Variants in UMAD1 observed in about 807,000 individuals in gnomAD.
The protein encoded by UMAD1 is UBAP1-MVB12-associated (UMA)-domain containing protein 1.
Under a neutral mutation model 6.1 loss-of-function variants are expected in UMAD1, and 8 were observed. The ratio of observed to expected loss-of-function variants is 1.30; its 90% CI spans 0.76 to 2.35. UMAD1 has a LOEUF of 2.35. Among genes scored for constraint, UMAD1 ranks in the 30% most tolerant of loss-of-function variants. The pLI is 0.00. For synonymous variants in UMAD1, 56 were observed against 31.4 expected, an observed-to-expected ratio of 1.78 and a Z score of -2.61; for missense variants, 130 against 78.4, an observed-to-expected ratio of 1.66 and a Z score of -2.49.
intron 3 of UMAD1, among the ~76,000 whole-genome samples, chr7:7,862,324 A>G (rs931001750): frequency 1.3e-5 from 2 of 152,206 alleles, no homozygotes; most frequent in Non-Finnish European, 2.9e-5. Context: ...TGTTTCACTG[A>G]AATGAGTATT....
At chr7:7,827,141 ATATATATG>A (rs1263566481) in intron 3 of UMAD1, among the ~76,000 whole-genome samples, 4 of 134,960 alleles carry the variant, frequency 3.0e-5, no homozygotes, top group African/African-American at 5.8e-5. Context: ...ATATATATAT[ATATATATG>A]TGTGTGTGTG....
At chr7:7,775,927 G>A (rs1278520865) in intron 2 of UMAD1, among the ~76,000 whole-genome samples, 1 of 152,074 alleles carries the variant, frequency 6.6e-6, no homozygotes, top group African/African-American at 2.4e-5. Context: ...TTGGAAAAAT[G>A]GATTACAAAG....
At chr7:7,829,489 G>A (rs1783418506) in intron 3 of UMAD1, among the ~76,000 whole-genome samples, 1 of 151,632 alleles carries the variant, frequency 6.6e-6, no homozygotes, top group Non-Finnish European at 1.5e-5. Context: ...TGGATAAAAA[G>A]TTAAAGCCCA....
intron 2 of UMAD1, among the ~76,000 whole-genome samples, chr7:7,673,724 ACTGTGG>A (rs1779671832): frequency 6.7e-6 from 1 of 149,938 alleles, no homozygotes; most frequent in Non-Finnish European, 1.5e-5. Context: ...TTTTTTTTTA[ACTGTGG>A]AAAATCTAAA....
At chr7:7,870,961 A>G (rs1784321160) in intron 3 of UMAD1, among the ~76,000 whole-genome samples, 1 of 152,184 alleles carries the variant, frequency 6.6e-6, no homozygotes, top group Non-Finnish European at 1.5e-5. Flanking sequence ...ATTATGAAAA[A>G]TTTTCAAGCT....
At chr7:7,702,737 C>T (rs971870267) in intron 2 of UMAD1, among the ~76,000 whole-genome samples, 53 of 152,066 alleles carry the variant, frequency 3.5e-4, no homozygotes, top group Admixed American at 2.9e-3. Flanking sequence ...AAATGTGCTC[C>T]GGTGAGTAAA....
At chr7:7,787,048 A>G (rs924644677) in intron 2 of UMAD1, among the ~76,000 whole-genome samples, 2 of 152,226 alleles carry the variant, frequency 1.3e-5, no homozygotes, top group African/African-American at 4.8e-5. Context: ...GCAATAAGGC[A>G]CGTGTCCAGT....
At chr7:7,847,352 T>C (rs1306818131) in intron 3 of UMAD1, among the ~76,000 whole-genome samples, 1 of 151,412 alleles carries the variant, frequency 6.6e-6, no homozygotes, top group Non-Finnish European at 1.5e-5. Context: ...ATATTCTCAC[T>C]GGATCTCTGT....
intron 1 of UMAD1, among the ~76,000 whole-genome samples, chr7:7,663,182 TAA>T (rs35538283): frequency 6.9e-6 from 1 of 144,334 alleles, no homozygotes. Flanking sequence ...TTCATTCCAT[TAA>T]AAAAAAAAAG....
chr7:7,839,348 C>T (rs1189511156), intron 3 of UMAD1, among the ~76,000 whole-genome samples: 3 of 152,016 alleles, frequency 2.0e-5, no homozygotes, highest in Non-Finnish European at 4.4e-5. Context: ...CAAGCTGGGA[C>T]CACAGACACA....
chr7:7,875,499 A>G (rs964559269), intron 3 of UMAD1, among the ~76,000 whole-genome samples: 5 of 152,248 alleles, frequency 3.3e-5, no homozygotes, highest in Non-Finnish European at 5.9e-5. Context: ...AAAAAATGAT[A>G]AAGAGGATAT....
At chr7:7,755,342 A>C (rs1781757940) in intron 2 of UMAD1, among the ~76,000 whole-genome samples, 1 of 152,222 alleles carries the variant, frequency 6.6e-6, no homozygotes, top group East Asian at 1.9e-4. Context: ...AAACCTTGTT[A>C]ACTGTAGTAA....
chr7:7,646,534 G>A (rs115335200), intron 1 of UMAD1, among the ~76,000 whole-genome samples: 5,166 of 135,234 alleles, frequency 0.038, 334 homozygotes, highest in African/African-American at 0.14. Flanking sequence ...CATGTAAGAC[G>A]TACCTTTTGC....
chr7:7,660,820 T>A (rs1414287334), intron 1 of UMAD1, among the ~76,000 whole-genome samples: 1 of 152,204 alleles, frequency 6.6e-6, no homozygotes, highest in African/African-American at 2.4e-5. Flanking sequence ...TGGTGTTCTC[T>A]GTATTTCCTG....
At chr7:7,865,051 A>C (rs1481860313) in intron 3 of UMAD1, among the ~76,000 whole-genome samples, 2 of 152,178 alleles carry the variant, frequency 1.3e-5, no homozygotes, top group African/African-American at 4.8e-5. Context: ...TGCCCTATGC[A>C]TCTCTTCTGT....
chr7:7,794,853 C>T (rs1222470734), intron 2 of UMAD1, among the ~76,000 whole-genome samples: 1 of 152,174 alleles, frequency 6.6e-6, no homozygotes, highest in Non-Finnish European at 1.5e-5. Context: ...AGGCTGACAC[C>T]TTTAAGGTCT....
chr7:7,646,753 C>T (rs1329307361), intron 1 of UMAD1, among the ~76,000 whole-genome samples: 1 of 151,940 alleles, frequency 6.6e-6, no homozygotes, highest in Non-Finnish European at 1.5e-5. Flanking sequence ...CCTCTCTGAC[C>T]GTCCCCAGCC....
intron 2 of UMAD1, among the ~76,000 whole-genome samples, chr7:7,705,219 AG>A (rs1418168984): frequency 3.3e-5 from 5 of 152,362 alleles, no homozygotes; most frequent in African/African-American, 1.2e-4. Context: ...TAAACTTCCA[AG>A]ATGATTGTAA....
Position 7,767,128 on chromosome 7 carries a change from CT to C in UMAD1, c.83-34528del, listed in dbSNP as rs71014711. Among the ~76,000 whole-genome samples the C allele has an allele frequency of 3.5e-3, 454 of 129,706 alleles. 8 individuals are homozygous for C. The highest frequency in any genetic ancestry group is 0.026 in the East Asian group (120 of 4,538). 85.1% of individuals were successfully genotyped at this position (129,706 alleles called of 152,430 possible). On this transcript the variant is annotated intron_variant, in intron 2 of 3. Coordinates refer to ENST00000682710, the MANE Select transcript of UMAD1 (RefSeq NM_001302348.2). ...AGTGAGCATTTCAAGAAATTAAGCT[CT>C]TTTTTTTTTTTTTGAGACGGACTCT...
Sources: allele counts gnomAD v4.1 joint callset (sites outside exome capture counted in the v4.1 genomes callset), GRCh38; gene constraint gnomAD v4.1.1; transcripts MANE v1.5; gene names NCBI Gene and HGNC (gene_info 2026-07-23, HGNC 2026-07-21).